Variants in CFAP91 observed in about 807,000 individuals in gnomAD.
The protein encoded by CFAP91 is cilia and flagella associated protein 91, also known as cilia- and flagella-associated protein 91.
In CFAP91, 85 loss-of-function variants were observed where a neutral mutation model predicts 95.9. The ratio of observed to expected loss-of-function variants is 0.89; its 90% CI spans 0.74 to 1.06. The LOEUF (loss-of-function observed/expected upper bound fraction) is 1.06. CFAP91 is among the 50% of genes least tolerant of loss of function. The probability of loss-of-function intolerance (pLI) is 0.00; values close to 1 mark genes in which losing one functional copy is unlikely to be tolerated. For synonymous variants in CFAP91, 335 were observed against 327.5 expected (o/e 1.02, Z -0.25); for missense variants, 962 against 943.4 (o/e 1.02, Z -0.26).
chr3:119,734,991 T>C (rs1577225423), intron 10 of CFAP91, among the ~76,000 whole-genome samples: 1 of 152,172 alleles, frequency 6.6e-6, no homozygotes, highest in East Asian at 1.9e-4. Flanking sequence ...TGGTAAATTT[T>C]TTTTTATAAA....
At chr3:119,731,097 A>T (rs1472648050) in intron 8 of CFAP91, among the ~76,000 whole-genome samples, 1 of 152,126 alleles carries the variant, frequency 6.6e-6, no homozygotes, top group Non-Finnish European at 1.5e-5. Context: ...AAACAGCCTG[A>T]TGTAATGGTA....
chr3:119,707,022 T>G, intron 2 of CFAP91, 137 bp downstream of exon 2: 1 of 688,594 alleles, frequency 1.5e-6, no homozygotes, highest in Non-Finnish European at 2.6e-6. Context: ...CCAAGATTAC[T>G]GGAGGGCAAA....
At chr3:119,738,640 TG>T (rs1475016771) in intron 11 of CFAP91, among the ~76,000 whole-genome samples, 1 of 152,106 alleles carries the variant, frequency 6.6e-6, no homozygotes, top group Admixed American at 6.6e-5. Context: ...TGAGCCACTG[TG>T]CCCAGCCTGA....
chr3:119,716,558 A>C (rs2053578027), intron 6 of CFAP91, among the ~76,000 whole-genome samples: 1 of 152,152 alleles, frequency 6.6e-6, no homozygotes, highest in African/African-American at 2.4e-5. Flanking sequence ...TTCCTGGCCC[A>C]CTTTATGAAT....
intron 6 of CFAP91, among the ~76,000 whole-genome samples, chr3:119,724,893 C>T (rs956005138): frequency 3.3e-5 from 5 of 152,010 alleles, no homozygotes; most frequent in Non-Finnish European, 7.4e-5. Context: ...TACAGGCGCC[C>T]ACCACCACGC....
At chr3:119,706,651 G>A in intron 1 of CFAP91, 158 bp from the exon 2 acceptor site, 1 of 587,188 alleles carries the variant, frequency 1.7e-6, no homozygotes, top group Non-Finnish European at 3.1e-6. Flanking sequence ...GAGTAACAGG[G>A]CCACATGCAC....
chr3:119,731,275 TTATA>T (rs546379187), intron 8 of CFAP91, among the ~76,000 whole-genome samples: 1 of 152,326 alleles, frequency 6.6e-6, no homozygotes, highest in South Asian at 2.1e-4. Flanking sequence ...TGCAGACTAT[TTATA>T]TATGTACTCA....
chr3:119,718,909 C>CAA lies in CFAP91; in HGVS notation c.682+3179_682+3180dup, dbSNP rs540249941. Among the ~76,000 whole-genome samples, 1,270 of 137,380 alleles carry CAA rather than the reference C, an allele frequency of 9.2e-3. 9 individuals carry two copies. Among genetic ancestry groups the CAA allele is most frequent in the South Asian group, 0.031 (130 of 4,182 alleles). The allele number at this position is 137,380 out of a possible 152,430, so 90.1% of individuals were successfully genotyped here. A position where few individuals can be genotyped will look rare whatever the true frequency, so the allele number is the denominator to read the frequency against. ...AGCAATTTCACTCCTAAGTATACATCAAAAAAAAAAAAAATGAGCACATTA... is the reference window on the plus strand; with the variant it reads ...AGCAATTTCACTCCTAAGTATACATCAAAAAAAAAAAAAAAATGAGCACATTA... On this transcript the variant is annotated intron_variant, in intron 6 of 17. Transcript: ENST00000273390.
chr3:119,720,910 T>C (rs1357405891), intron 6 of CFAP91, among the ~76,000 whole-genome samples: 3 of 151,598 alleles, frequency 2.0e-5, no homozygotes, highest in African/African-American at 7.3e-5. Context: ...TATACTGTAT[T>C]GTTTAGGGAA....
At chr3:119,711,596 CTCTA>C (rs2053475073) in intron 5 of CFAP91, among the ~76,000 whole-genome samples, 2 of 152,224 alleles carry the variant, frequency 1.3e-5, no homozygotes, top group African/African-American at 4.8e-5. Flanking sequence ...TGTAGCTACT[CTCTA>C]TCTGTCTTAG....
intron 10 of CFAP91, among the ~76,000 whole-genome samples, chr3:119,736,437 A>G (rs1273191825): frequency 6.6e-6 from 1 of 150,940 alleles, no homozygotes; most frequent in African/African-American, 2.4e-5. Context: ...ACGCCTGGCT[A>G]ATTTTTTTTT....
Position 119,756,696 on chromosome 3 carries a change from A to G in CFAP91, c.*1+5598A>G, listed in dbSNP as rs143820187. On this transcript the variant is annotated intron_variant, in intron 17 of 17. Transcript: ENST00000273390. Reference sequence around the variant, plus strand: ...AGTATAAGTTGACATTGATAACTCAATGATCCATGACAACTCAAGGATACA... The same window carrying G: ...AGTATAAGTTGACATTGATAACTCAGTGATCCATGACAACTCAAGGATACA... 4.4e-3 allele frequency among the ~76,000 whole-genome samples: 664 copies of G among 152,302 alleles called. 8 individuals are homozygous for G. Among genetic ancestry groups the G allele is most frequent in the Non-Finnish European group, 5.0e-3 (339 of 68,012 alleles).
At chr3:119,748,252 T>C (rs2054261636) in intron 16 of CFAP91, among the ~76,000 whole-genome samples, 1 of 152,152 alleles carries the variant, frequency 6.6e-6, no homozygotes, top group Non-Finnish European at 1.5e-5. Flanking sequence ...GTAGCAGCCT[T>C]TCAGAGGCAG....
intron 7 of CFAP91, among the ~76,000 whole-genome samples, chr3:119,728,625 C>T: frequency 6.6e-6 from 1 of 152,282 alleles, no homozygotes; most frequent in East Asian, 1.9e-4. Context: ...TCTCCATACT[C>T]ATTTGTCACT....
intron 8 of CFAP91, among the ~76,000 whole-genome samples, chr3:119,730,797 C>T (rs1381625621): frequency 2.0e-5 from 3 of 151,810 alleles, no homozygotes; most frequent in Non-Finnish European, 4.4e-5. Context: ...ATTTTAATAC[C>T]GCAGATATAA....
intron 9 of CFAP91, among the ~76,000 whole-genome samples, chr3:119,732,725 T>A (rs2053926700): frequency 6.6e-6 from 1 of 152,214 alleles, no homozygotes; most frequent in Non-Finnish European, 1.5e-5. Flanking sequence ...TCACTAATAA[T>A]CAAAGTTATT....
chr3:119,707,542 G>A lies in CFAP91; in HGVS notation c.340G>A (p.Ala114Thr). ...GGGACATAAGGAGAAACACAGAGAA[G>A]CCCTCCGGCAGCTCACCACGTAAGT... ...WKGHKEKHRE[A>T]LRQLTTTDAS... Residue 114 changes from alanine to threonine, a missense_variant, in exon 3 of 18, where the codon GCC (alanine) becomes ACC (threonine). Transcript: ENST00000273390. The A allele has an allele frequency of 6.3e-7, 1 of 1,577,714 alleles. No homozygotes were observed. Among genetic ancestry groups the A allele is most frequent in the Non-Finnish European group, 8.7e-7 (1 of 1,155,340 alleles).
At chr3:119,758,921 T>G (rs1400190806) in intron 17 of CFAP91, among the ~76,000 whole-genome samples, 1 of 152,102 alleles carries the variant, frequency 6.6e-6, no homozygotes, top group Non-Finnish European at 1.5e-5. Flanking sequence ...AAGAATTCCA[T>G]TCCTTTCATT....
intron 11 of CFAP91, among the ~76,000 whole-genome samples, chr3:119,738,796 A>C (rs2054061910): frequency 6.6e-6 from 1 of 152,192 alleles, no homozygotes; most frequent in Non-Finnish European, 1.5e-5. Context: ...ATAGATGGCT[A>C]ACCTTGTCTC....
Sources: gnomAD v4.1 joint callset for allele counts (sites outside exome capture counted in the v4.1 genomes callset) on GRCh38, gnomAD v4.1.1 for gene constraint, MANE v1.5 for transcripts, NCBI Gene and HGNC (gene_info 2026-07-23, HGNC 2026-07-21) for gene names.